RAB11B: variants seen among roughly 807,000 people sequenced by gnomAD.
The protein encoded by RAB11B is RAB11B, member RAS oncogene family.
A neutral mutation model predicts 23.7 loss-of-function variants in RAB11B; 7 were observed. That is an observed-to-expected ratio of 0.29 (90% confidence interval 0.17 to 0.55). The LOEUF (loss-of-function observed/expected upper bound fraction) is 0.55. Ranked by LOEUF, RAB11B falls within the 20% of genes least tolerant of loss-of-function variation. The pLI, the probability that RAB11B is intolerant of heterozygous loss-of-function variation, is 0.93. For missense variants in RAB11B, 189 were observed against 320.0 expected, an observed-to-expected ratio of 0.59 and a Z score of 3.12; for synonymous variants, 138 against 132.0, an observed-to-expected ratio of 1.05 and a Z score of -0.31.
chr19:8,390,499 G>A (rs748413356), intron 1 of RAB11B, 43 bp downstream of exon 1: 2 of 1,474,428 alleles, frequency 1.4e-6, no homozygotes. Context: ...GTGGCGGCGA[G>A]GCGGCGGGCA....
chr19:8,399,997 A>G lies in RAB11B; in HGVS notation c.175A>G (p.Thr59Ala). The change falls in exon 2 of 5, where the codon ACC becomes GCC. Residue 59 changes from threonine (T) to alanine (A), a missense_variant. By Grantham distance (58) the Thr-to-Ala change is moderately conservative. Coordinates refer to ENST00000328024, the MANE Select transcript of RAB11B (RefSeq NM_004218.4). ...ATRSIQVDGK[T>A]IKAQIWDTAG... ...CCGCAGCATCCAGGTGGACGGCAAGACCATCAAGGCGCAGATCTGGGACAC... is the reference window on the plus strand; with the variant it reads ...CCGCAGCATCCAGGTGGACGGCAAGGCCATCAAGGCGCAGATCTGGGACAC... 1 of 1,614,168 alleles carries G rather than the reference A, an allele frequency of 6.2e-7. No homozygotes were observed. Among genetic ancestry groups the G allele is most frequent in the Non-Finnish European group, 8.5e-7 (1 of 1,180,000 alleles).
At chr19:8,402,625 T>G (rs745525519) in intron 4 of RAB11B, 60 bp downstream of exon 4, 1 of 1,305,362 alleles carries the variant, frequency 7.7e-7, no homozygotes, top group Non-Finnish European at 1.1e-6. Context: ...GAACACGGCC[T>G]CTGAACCTTC....
rs1971399688 is a variant in RAB11B at position 8,396,717 on chromosome 19, G to GC, written c.41-3146_41-3145insC. ...GCTGGAGCAGAGTGAGCCGGGGGGG[G>GC]GGCGGGAGGGAGGAGGGGAGGGCCC... On this transcript the variant is annotated intron_variant, in intron 1 of 4. Transcript: ENST00000328024. The surrounding 1 kb of genome is among the most constrained non-coding windows in gnomAD (Gnocchi z 5.0). Among the ~76,000 whole-genome samples the GC allele has an allele frequency of 7.0e-6, 1 of 143,808 alleles. No homozygotes were observed. The highest frequency in any genetic ancestry group is 2.6e-5 in the African/African-American group (1 of 38,754). 94.3% of individuals were successfully genotyped at this position (143,808 alleles called of 152,430 possible). A position where few individuals can be genotyped will look rare whatever the true frequency, so the allele number is the denominator to read the frequency against.
At position 8,403,530 on chromosome 19, in the gene RAB11B, A is replaced by G; in HGVS notation, c.629A>G (p.Asn210Ser). Residue 210 changes from asparagine to serine, a missense_variant, in exon 5 of 5, where the codon AAC becomes AGC. Transcript: ENST00000328024. ...VPPTTDGQKP[N>S]KLQCCQNL ...CCCACCACGGACGGACAGAAGCCCA[A>G]CAAGCTGCAGTGCTGCCAGAACCTG... 1.2e-6 allele frequency: 2 copies of G among 1,613,780 alleles called. No homozygotes were observed. Among genetic ancestry groups the G allele is most frequent in the Non-Finnish European group, 1.7e-6 (2 of 1,179,812 alleles).
intron 2 of RAB11B, among the ~76,000 whole-genome samples, 182 bp from the exon 3 acceptor site, chr19:8,401,904 G>A (rs893399760): frequency 3.3e-5 from 5 of 152,200 alleles, no homozygotes; most frequent in Non-Finnish European, 4.4e-5. Context: ...ACATTTCAGA[G>A]CTGGATCCAG....
rs371446650 is a variant in RAB11B at position 8,402,079 on chromosome 19, C to A, written c.237-7C>A. ...CCAGAGAGGCTCATGGGCCCCTGAC[C>A]CTGCAGGTACTACCGTGGTGCAGTG... On this transcript the variant is annotated splice_polypyrimidine_tract_variant and splice_region_variant and intron_variant, in intron 2 of 4. Transcript: ENST00000328024. The A allele has an allele frequency of 1.3e-6, 2 of 1,580,162 alleles. No individual in the cohort carries two copies. The highest frequency in any genetic ancestry group is 8.6e-7 in the Non-Finnish European group (1 of 1,162,192).
chr19:8,402,080 C>A lies in RAB11B; in HGVS notation c.237-6C>A, dbSNP rs545488723. On this transcript the variant is annotated splice_polypyrimidine_tract_variant and splice_region_variant and intron_variant, in intron 2 of 4. Transcript: ENST00000328024. The stretch of plus-strand genomic sequence containing the variant: ...CAGAGAGGCTCATGGGCCCCTGACC[C>A]TGCAGGTACTACCGTGGTGCAGTGG... The A allele has an allele frequency of 1.3e-6, 2 of 1,582,450 alleles. No individual in the cohort carries two copies. Among genetic ancestry groups the A allele is most frequent in the South Asian group, 2.3e-5 (2 of 86,904 alleles).
chr19:8,402,558 C>T lies in RAB11B; in HGVS notation c.504C>T (p.Ile168=), dbSNP rs1971446693. 6.2e-7 allele frequency: 1 copy of T among 1,612,738 alleles called. No individual in the cohort carries two copies. The highest frequency in any genetic ancestry group is 8.5e-7 in the Non-Finnish European group (1 of 1,178,802). The change falls in exon 4 of 5, where the codon ATC becomes ATT. Residue 168 remains isoleucine, a synonymous_variant. Transcript: ENST00000328024. The stretch of plus-strand genomic sequence containing the variant: ...ACGTAGAGGAAGCATTCAAGAACAT[C>T]CTCACAGGTGGCCGGGGACCAGATG... The part of the protein sequence containing the change: ...STNVEEAFKN[I]LTEIYRIVSQ...
chr19:8,399,331 G>T (rs938706465), intron 1 of RAB11B, among the ~76,000 whole-genome samples: 3 of 152,096 alleles, frequency 2.0e-5, no homozygotes, highest in Non-Finnish European at 4.4e-5. Context: ...CAAGTGATCC[G>T]CCTGGCTCAT....
chr19:8,399,269 A>G (rs1419437454), intron 1 of RAB11B, among the ~76,000 whole-genome samples: 2 of 151,870 alleles, frequency 1.3e-5, no homozygotes, highest in Non-Finnish European at 2.9e-5. Context: ...TGTATTTTTT[A>G]TAGAGACGGG....
At chr19:8,400,165 T>C in intron 2 of RAB11B, 107 bp downstream of exon 2, 1 of 1,304,774 alleles carries the variant, frequency 7.7e-7, no homozygotes, top group African/African-American at 1.5e-5. Context: ...GGGGAGAGTG[T>C]GCTCCCAAGA....
chr19:8,392,246 T>C (rs1971360942), intron 1 of RAB11B, among the ~76,000 whole-genome samples: 1 of 152,124 alleles, frequency 6.6e-6, no homozygotes, highest in African/African-American at 2.4e-5. Context: ...TTTTGCCCTT[T>C]TGCTGTGTTA....
chr19:8,401,714 G>A (rs966167596), intron 2 of RAB11B, among the ~76,000 whole-genome samples: 6 of 151,944 alleles, frequency 3.9e-5, no homozygotes, highest in African/African-American at 1.5e-4. Context: ...TAGAGATGGG[G>A]TATCGCCATG....
chr19:8,398,596 G>C (rs1410057174), intron 1 of RAB11B, among the ~76,000 whole-genome samples: 1 of 152,180 alleles, frequency 6.6e-6, no homozygotes, highest in African/African-American at 2.4e-5. Context: ...GCACATTCCT[G>C]TTTCCCACTC....
intron 4 of RAB11B, chr19:8,402,889 C>T (rs143085776): frequency 4.1e-6 from 2 of 484,744 alleles, no homozygotes; most frequent in African/African-American, 3.9e-5. Flanking sequence ...TCTCGAACTC[C>T]TGGGCTCAAG....
chr19:8,399,570 T>C (rs945191601), intron 1 of RAB11B, among the ~76,000 whole-genome samples: 1 of 152,224 alleles, frequency 6.6e-6, no homozygotes, highest in Admixed American at 6.5e-5. Flanking sequence ...CAAGCTGCTC[T>C]GCCTGCCTGG....
intron 1 of RAB11B, among the ~76,000 whole-genome samples, chr19:8,391,399 C>T (rs1178375379): frequency 6.6e-6 from 1 of 152,226 alleles, no homozygotes; most frequent in East Asian, 1.9e-4. Context: ...ATGGCCGGGG[C>T]CCCAGCCAGC....
chr19:8,402,660 T>G (rs1355842547), intron 4 of RAB11B, 95 bp downstream of exon 4: 1 of 1,016,360 alleles, frequency 9.8e-7, no homozygotes, highest in African/African-American at 1.6e-5. Flanking sequence ...TTTGCTTGTT[T>G]TTTTCTTTTT....
chr19:8,400,269 G>A lies in RAB11B; in HGVS notation c.236+211G>A, dbSNP rs918857802. 7.9e-6 allele frequency: 5 copies of A among 632,672 alleles called. No individual in the cohort carries two copies. In the African/African-American group the frequency reaches 9.2e-5, roughly 12 times the overall value. 39.2% of individuals were successfully genotyped at this position (632,672 alleles called of 1,614,324 possible). A position where few individuals can be genotyped will look rare whatever the true frequency, so the allele number is the denominator to read the frequency against. On this transcript the variant is annotated intron_variant, in intron 2 of 4. Transcript: ENST00000328024. ...CCTTCGCCACACCAGGGTATCTCTGGGTACCAAGTGCAGTGAGGACCTAGC... is the reference window on the plus strand; with the variant it reads ...CCTTCGCCACACCAGGGTATCTCTGAGTACCAAGTGCAGTGAGGACCTAGC...
Sources: gnomAD v4.1 joint callset for allele counts (sites outside exome capture counted in the v4.1 genomes callset) on GRCh38, gnomAD v4.1.1 for gene constraint, Gnocchi (gnomAD v3.1) non-coding constraint, MANE v1.5 for transcripts, NCBI Gene and HGNC (gene_info 2026-07-23, HGNC 2026-07-21) for gene names.